The following ZDHHC18 variants were observed in gnomAD, a reference collection of about 807,000 sequenced individuals.
ZDHHC18 encodes the protein palmitoyltransferase ZDHHC18.
ZDHHC18 carries 23 observed loss-of-function variants against 37.5 expected under a neutral mutation model. The ratio of observed to expected loss-of-function variants is 0.61; its 90% CI spans 0.44 to 0.87. ZDHHC18 has a LOEUF of 0.87. Ranked by LOEUF, ZDHHC18 falls within the 40% of genes least tolerant of loss-of-function variation. The pLI is 0.00. For synonymous variants in ZDHHC18, 185 were observed against 218.7 expected, an observed-to-expected ratio of 0.85 and a Z score of 1.36; for missense variants, 406 against 525.6, an observed-to-expected ratio of 0.77 and a Z score of 2.22.
At chr1:26,845,416 C>T (rs1421835788) in intron 2 of ZDHHC18, among the ~76,000 whole-genome samples, 1 of 145,648 alleles carries the variant, frequency 6.9e-6, no homozygotes, top group African/African-American at 2.5e-5. Flanking sequence ...CACTGTAACC[C>T]CCACCTCCCT....
chr1:26,846,476 G>A (rs1255584671), intron 2 of ZDHHC18, among the ~76,000 whole-genome samples: 5 of 150,176 alleles, frequency 3.3e-5, no homozygotes, highest in African/African-American at 7.4e-5. Context: ...ACAGGCGCCC[G>A]CCACCATGCC....
intron 2 of ZDHHC18, among the ~76,000 whole-genome samples, chr1:26,847,977 T>G (rs940579122): frequency 1.3e-5 from 2 of 152,198 alleles, no homozygotes; most frequent in Non-Finnish European, 2.9e-5. Context: ...CTCCTGAACC[T>G]CCTGTAAACT....
rs2081734394 is a variant in ZDHHC18 at position 26,856,387 on chromosome 1, G to A, written c.*2544G>A. On this transcript the variant is annotated 3_prime_UTR_variant, in exon 8 of 8. Coordinates refer to ENST00000374142, the MANE Select transcript of ZDHHC18 (RefSeq NM_032283.3). The surrounding 1 kb of genome is among the most constrained non-coding windows in gnomAD (Gnocchi z 5.2). ...CTGTCTGGTGTGTGGTGCGGTGTGTGTGCTGGTGGTGGTAGGGTCTCCAGG... is the reference window on the plus strand; with the variant it reads ...CTGTCTGGTGTGTGGTGCGGTGTGTATGCTGGTGGTGGTAGGGTCTCCAGG... 1 of 322,502 alleles carries A rather than the reference G, an allele frequency of 3.1e-6. No individual in the cohort carries two copies. The highest frequency in any genetic ancestry group is 2.1e-5 in the African/African-American group (1 of 47,596). 20.0% of individuals were successfully genotyped at this position (322,502 alleles called of 1,614,324 possible). A position where few individuals can be genotyped will look rare whatever the true frequency, so the allele number is the denominator to read the frequency against.
chr1:26,853,059 A>T, intron 7 of ZDHHC18, 194 bp downstream of exon 7: 1 of 551,056 alleles, frequency 1.8e-6, no homozygotes, highest in Non-Finnish European at 3.2e-6. Context: ...GAAAAAAAAA[A>T]TTAAGTACAA....
chr1:26,845,487 C>A (rs2081659515), intron 2 of ZDHHC18, among the ~76,000 whole-genome samples: 1 of 151,168 alleles, frequency 6.6e-6, no homozygotes, highest in Admixed American at 6.6e-5. Context: ...CGCCCACCAC[C>A]ACACCCAGCT....
intron 2 of ZDHHC18, among the ~76,000 whole-genome samples, chr1:26,843,646 T>C (rs1377084432): frequency 6.6e-6 from 1 of 151,462 alleles, no homozygotes; most frequent in African/African-American, 2.4e-5. Context: ...AAAAATTATC[T>C]GGGCGTAGTG....
chr1:26,836,744 A>ATTT (rs1227107018), intron 2 of ZDHHC18, among the ~76,000 whole-genome samples: 1 of 148,350 alleles, frequency 6.7e-6, no homozygotes, highest in Non-Finnish European at 1.5e-5. Context: ...AATTTTTCGT[A>ATTT]TTTTTAGTAG....
At chr1:26,838,256 A>G (rs2081622598) in intron 2 of ZDHHC18, among the ~76,000 whole-genome samples, 1 of 151,902 alleles carries the variant, frequency 6.6e-6, no homozygotes, top group Admixed American at 6.6e-5. Context: ...CAGCCTCCCA[A>G]AGTGCTGGAA....
At chr1:26,848,532 G>A in intron 2 of ZDHHC18, 76 bp from the exon 3 acceptor site, 3 of 1,561,478 alleles carry the variant, frequency 1.9e-6, no homozygotes, top group South Asian at 2.3e-5. Flanking sequence ...CCAGGCAGCA[G>A]TAGCTTTCCC....
At chr1:26,841,194 C>T (rs898865265) in intron 2 of ZDHHC18, among the ~76,000 whole-genome samples, 2 of 152,058 alleles carry the variant, frequency 1.3e-5, no homozygotes, top group African/African-American at 4.8e-5. Flanking sequence ...AGGCTGGTCT[C>T]GAACTCCTGA....
At chr1:26,847,504 A>T (rs2081676222) in intron 2 of ZDHHC18, among the ~76,000 whole-genome samples, 1 of 152,188 alleles carries the variant, frequency 6.6e-6, no homozygotes, top group Non-Finnish European at 1.5e-5. Flanking sequence ...GAGCCACTGC[A>T]TTCGGCCTGT....
chr1:26,852,866 G>A lies in ZDHHC18; in HGVS notation c.1049+1G>A. On this transcript the variant is annotated splice_donor_variant, in intron 7 of 7. Transcript: ENST00000374142. LOFTEE classifies it high-confidence loss of function. ...TGCTCTGTGGCCCCCTACCTCCCAG[G>A]TAAGTGAGCGGGGTGCGGAAGAGGG... 1 of 1,613,666 alleles carries A rather than the reference G, an allele frequency of 6.2e-7. No homozygotes were observed. Among genetic ancestry groups the A allele is most frequent in the East Asian group, 2.2e-5 (1 of 44,846 alleles).
chr1:26,846,600 C>T (rs1349063015), intron 2 of ZDHHC18, among the ~76,000 whole-genome samples: 2 of 151,136 alleles, frequency 1.3e-5, no homozygotes, highest in African/African-American at 4.9e-5. Flanking sequence ...GGATTACAGG[C>T]GTGAGCCACC....
Position 26,850,546 on chromosome 1 carries a change from C to G in ZDHHC18, c.785-12C>G. 1 of 1,614,204 alleles carries G rather than the reference C, an allele frequency of 6.2e-7. No homozygotes were observed. Among genetic ancestry groups the G allele is most frequent in the Non-Finnish European group, 8.5e-7 (1 of 1,180,030 alleles). The stretch of plus-strand genomic sequence containing the variant: ...CCTCTGAGCTTGTCCTCTCCTGTTT[C>G]TTTCTCCCCAGGCGCTCAGGGAAGC... On this transcript the variant is annotated splice_polypyrimidine_tract_variant and intron_variant, in intron 4 of 7. Transcript: ENST00000374142. This position sits in a 1 kb window ranked among gnomAD's most constrained non-coding sequence, Gnocchi z 6.1.
intron 2 of ZDHHC18, among the ~76,000 whole-genome samples, chr1:26,844,857 C>T (rs989773651): frequency 1.3e-5 from 2 of 151,114 alleles, no homozygotes; most frequent in Admixed American, 6.6e-5. Context: ...GTCTTTTGTC[C>T]GTATTTGTAT....
intron 1 of ZDHHC18, 22 bp downstream of exon 1, chr1:26,827,161 C>A: frequency 7.3e-7 from 1 of 1,364,192 alleles, no homozygotes; most frequent in Non-Finnish European, 9.4e-7. Flanking sequence ...TGCCTCGGCG[C>A]CCCCTCCCAG....
chr1:26,831,676 G>A (rs1027442721), intron 1 of ZDHHC18, among the ~76,000 whole-genome samples: 2 of 152,170 alleles, frequency 1.3e-5, no homozygotes, highest in African/African-American at 4.8e-5. Context: ...CTCCCTGGGG[G>A]ACAGAGGCAT....
chr1:26,852,965 C>T lies in ZDHHC18; in HGVS notation c.1049+100C>T. The T allele has an allele frequency of 1.5e-5, 15 of 1,017,312 alleles. 1 individual carries two copies. The South Asian group carries it at 1.7e-4, about 12-fold the overall frequency. 63.0% of individuals were successfully genotyped at this position (1,017,312 alleles called of 1,614,324 possible). On this transcript the variant is annotated intron_variant, in intron 7 of 7. Coordinates refer to ENST00000374142, the MANE Select transcript of ZDHHC18 (RefSeq NM_032283.3). The stretch of plus-strand genomic sequence containing the variant: ...CCGACCTCCCCCTACACCCTAGATG[C>T]CCTCCGTCCACTACCCCCTGGAGGG...
intron 3 of ZDHHC18, among the ~76,000 whole-genome samples, chr1:26,849,294 T>C (rs2081689323): frequency 6.6e-6 from 1 of 152,104 alleles, no homozygotes; most frequent in South Asian, 2.1e-4. Context: ...GGTTGTTTTG[T>C]CCCCTCTCCC....
Sources: gnomAD v4.1 joint callset for allele counts (sites outside exome capture counted in the v4.1 genomes callset) on GRCh38, gnomAD v4.1.1 for gene constraint, Gnocchi (gnomAD v3.1) non-coding constraint, MANE v1.5 for transcripts, NCBI Gene and HGNC (gene_info 2026-07-23, HGNC 2026-07-21) for gene names.